TMEM63C: variants seen among roughly 807,000 people sequenced by gnomAD.
TMEM63C encodes osmosensitive cation channel TMEM63C.
TMEM63C carries 32 observed loss-of-function variants against 99.2 expected under a neutral mutation model. The observed-to-expected ratio is 0.32, with a 90% CI of 0.24 to 0.43. The LOEUF (loss-of-function observed/expected upper bound fraction) is 0.43, where lower values mean the gene tolerates loss of function less well. TMEM63C is among the 20% of genes least tolerant of loss of function. The probability of loss-of-function intolerance (pLI) is 1.00; values close to 1 mark genes in which losing one functional copy is unlikely to be tolerated. For synonymous variants in TMEM63C, 376 were observed against 397.9 expected, an observed-to-expected ratio of 0.94 and a Z score of 0.66; for missense variants, 826 against 1,053.0, an observed-to-expected ratio of 0.78 and a Z score of 2.98.
chr14:77,183,611 G>C (rs570079399), intron 1 of TMEM63C, among the ~76,000 whole-genome samples: 19 of 152,128 alleles, frequency 1.2e-4, no homozygotes, highest in African/African-American at 4.3e-4. Context: ...CAGCATCTCC[G>C]GATCGGGGGT....
intron 1 of TMEM63C, among the ~76,000 whole-genome samples, chr14:77,202,540 C>T (rs1888316175): frequency 6.6e-6 from 1 of 152,162 alleles, no homozygotes; most frequent in African/African-American, 2.4e-5. Flanking sequence ...TTCCTAGTTC[C>T]TGGGGGTTGT....
chr14:77,236,455 AATGGGTTGGGGTC>A (rs1889063067), intron 8 of TMEM63C, among the ~76,000 whole-genome samples, 156 bp from the exon 9 acceptor site: 1 of 66,802 alleles, frequency 1.5e-5, no homozygotes. Context: ...GGGATACTGT[AATGGGTTGGGGTC>A]TGGGGAGACT....
intron 14 of TMEM63C, 75 bp downstream of exon 14, chr14:77,242,544 C>A: frequency 6.4e-7 from 1 of 1,551,830 alleles, no homozygotes; most frequent in South Asian, 1.2e-5. Context: ...AGGGCCTTCT[C>A]TCCCCATGTC....
chr14:77,227,647 A>T (rs1047889545), intron 6 of TMEM63C, among the ~76,000 whole-genome samples: 1 of 152,142 alleles, frequency 6.6e-6, no homozygotes, highest in Admixed American at 6.5e-5. Context: ...AGGCGGGAGG[A>T]AGAGGCATCC....
intron 1 of TMEM63C, among the ~76,000 whole-genome samples, chr14:77,198,118 T>C (rs571647229): frequency 2.0e-5 from 3 of 152,376 alleles, no homozygotes; most frequent in Admixed American, 2.0e-4. Context: ...AGACAGGCAG[T>C]GACCGCAGTT....
intron 6 of TMEM63C, among the ~76,000 whole-genome samples, chr14:77,230,177 G>A (rs1888911024): frequency 6.6e-6 from 1 of 151,222 alleles, no homozygotes. Context: ...CCTCCAGCCT[G>A]GGCAACAGAG....
chr14:77,216,145 A>AGC lies in TMEM63C; in HGVS notation c.-14+2638_-14+2639dup, dbSNP rs796574299. 1.4e-3 allele frequency among the ~76,000 whole-genome samples: 212 copies of AGC among 150,824 alleles called. 1 individual carries two copies. The highest frequency in any genetic ancestry group is 4.9e-3 in the African/African-American group (202 of 40,952). On this transcript the variant is annotated intron_variant, in intron 2 of 23. Transcript: ENST00000298351. ...GAGGGAGGGAGAGAGAGAGAGAGAGAGCAACCATGGCTCATTCACAGTTGT... is the reference window on the plus strand; with the variant it reads ...GAGGGAGGGAGAGAGAGAGAGAGAGAGCGCAACCATGGCTCATTCACAGTTGT...
At chr14:77,213,234 T>C (rs1165943184) in intron 1 of TMEM63C, among the ~76,000 whole-genome samples, 1 of 152,070 alleles carries the variant, frequency 6.6e-6, no homozygotes, top group Non-Finnish European at 1.5e-5. Flanking sequence ...TTGTCAAAAT[T>C]CAAAACTTTT....
At chr14:77,231,022 A>G (rs542229587) in intron 6 of TMEM63C, among the ~76,000 whole-genome samples, 1 of 152,278 alleles carries the variant, frequency 6.6e-6, no homozygotes, top group East Asian at 1.9e-4. Context: ...CCATTTCAGT[A>G]GATAATACCA....
chr14:77,200,708 C>T (rs552173565), intron 1 of TMEM63C, among the ~76,000 whole-genome samples: 67 of 152,368 alleles, frequency 4.4e-4, no homozygotes, highest in African/African-American at 1.5e-3. Flanking sequence ...TGTCCTGCCC[C>T]CGCTCCCCAT....
At position 77,238,748 on chromosome 14, in the gene TMEM63C, C is replaced by T. The variant is rs1195095399; in HGVS notation, c.706C>T (p.Leu236Phe). Reference protein sequence around the residue: ...YVPKDIEDPELIIKHFHEAYP... With the variant: ...YVPKDIEDPEFIIKHFHEAYP... Reference sequence around the variant, plus strand: ...GCCCAAGGACATTGAAGACCCAGAACTCATCATTAAGCATTTTCAGTAAGT... The same window carrying T: ...GCCCAAGGACATTGAAGACCCAGAATTCATCATTAAGCATTTTCAGTAAGT... The change falls in exon 10 of 24, where the codon CTC (leucine) becomes TTC (phenylalanine). Residue 236 changes from leucine (L) to phenylalanine (F), a missense_variant. By Grantham distance (22) the Leu-to-Phe change is conservative. Transcript: ENST00000298351. The T allele has an allele frequency of 6.2e-6, 10 of 1,613,922 alleles. No homozygotes were observed. Among genetic ancestry groups the T allele is most frequent in the Non-Finnish European group, 8.5e-6 (10 of 1,179,790 alleles).
chr14:77,249,588 C>A, intron 21 of TMEM63C, 130 bp downstream of exon 21: 1 of 1,004,964 alleles, frequency 1.0e-6, no homozygotes, highest in Non-Finnish European at 1.4e-6. Context: ...CCTGGCCACA[C>A]CCAGTGACTT....
chr14:77,201,279 G>C (rs2140097217), intron 1 of TMEM63C: 1 of 152,388 alleles, frequency 6.6e-6, no homozygotes, highest in South Asian at 2.1e-4. Flanking sequence ...TTAGGGGTCT[G>C]TGTACCCACT....
At chr14:77,242,288 CCTA>C (rs1896889042) in intron 13 of TMEM63C, 56 bp from the exon 14 acceptor site, 1 of 1,591,948 alleles carries the variant, frequency 6.3e-7, no homozygotes, top group African/African-American at 1.3e-5. Flanking sequence ...ATGAGACCCT[CCTA>C]AGCCCATCCC....
intron 1 of TMEM63C, among the ~76,000 whole-genome samples, chr14:77,187,243 A>T (rs868197441): frequency 6.6e-6 from 1 of 152,160 alleles, no homozygotes; most frequent in African/African-American, 2.4e-5. Flanking sequence ...CAGCTGACAC[A>T]TCCTGAGCTC....
intron 21 of TMEM63C, 107 bp downstream of exon 21, chr14:77,249,565 G>A (rs1457223973): frequency 9.9e-6 from 13 of 1,307,626 alleles, no homozygotes; most frequent in East Asian, 7.6e-5. Flanking sequence ...AGGGCAAGAC[G>A]CTGCTCACCA....
intron 1 of TMEM63C, among the ~76,000 whole-genome samples, chr14:77,192,724 A>G (rs1023011400): frequency 2.9e-4 from 44 of 151,970 alleles, no homozygotes; most frequent in East Asian, 1.9e-4. Flanking sequence ...ATTGTGTCAC[A>G]TAAGTACTCC....
chr14:77,236,850 G>A, intron 9 of TMEM63C, 118 bp downstream of exon 9: 1 of 713,102 alleles, frequency 1.4e-6, no homozygotes, highest in Non-Finnish European at 2.5e-6. Context: ...GTGATAGATG[G>A]GAGGGGGCGG....
intron 1 of TMEM63C, among the ~76,000 whole-genome samples, chr14:77,206,885 TC>T (rs1888411698): frequency 7.0e-6 from 1 of 143,402 alleles, no homozygotes; most frequent in Non-Finnish European, 1.5e-5. Context: ...TTAGTTTTTT[TC>T]TTTTATTTTT....
Sources: gnomAD v4.1 joint callset for allele counts (sites outside exome capture counted in the v4.1 genomes callset) on GRCh38, gnomAD v4.1.1 for gene constraint, MANE v1.5 for transcripts, NCBI Gene and HGNC (gene_info 2026-07-23, HGNC 2026-07-21) for gene names.